The following MKLN1 variants were observed in gnomAD, a reference collection of about 807,000 sequenced individuals.
MKLN1 encodes the protein muskelin 1, also known as muskelin.
In MKLN1, 18 loss-of-function variants were observed where a neutral mutation model predicts 99.0. The ratio of observed to expected loss-of-function variants is 0.18; its 90% confidence interval spans 0.13 to 0.27. The LOEUF (loss-of-function observed/expected upper bound fraction) is 0.27. Ranked by LOEUF, MKLN1 falls within the 10% of genes least tolerant of loss-of-function variation. MKLN1 has a pLI of 1.00. For synonymous variants in MKLN1, 288 were observed against 293.2 expected, an observed-to-expected ratio of 0.98 and a Z score of 0.18; for missense variants, 621 against 875.9, an observed-to-expected ratio of 0.71 and a Z score of 3.67.
chr7:131,154,771 C>T (rs7778040), intron 2 of MKLN1, among the ~76,000 whole-genome samples: 13,779 of 152,104 alleles, frequency 0.091, 794 homozygotes, highest in South Asian at 0.18. Flanking sequence ...CAATTCTTTA[C>T]ACTTATATAT....
At chr7:131,386,752 A>G (rs1227735042) in intron 2 of MKLN1, among the ~76,000 whole-genome samples, 2 of 152,236 alleles carry the variant, frequency 1.3e-5, no homozygotes. Context: ...AGTAGAGTCC[A>G]TAGAAATATG....
intron 8 of MKLN1, among the ~76,000 whole-genome samples, chr7:131,428,011 C>G (rs1286614208): frequency 6.6e-6 from 1 of 151,826 alleles, no homozygotes; most frequent in African/African-American, 2.4e-5. Context: ...CCCCCACCCC[C>G]CCAAAAAAAG....
chr7:131,231,118 T>TTAAA (rs1797236697), intron 3 of MKLN1, among the ~76,000 whole-genome samples: 1 of 7,860 alleles, frequency 1.3e-4, no homozygotes, highest in Non-Finnish European at 3.3e-4. Context: ...AGACTCTGTC[T>TTAAA]CAAAAAAAAA....
intron 1 of MKLN1, among the ~76,000 whole-genome samples, chr7:131,127,165 C>CA (rs59463348): frequency 3.0e-5 from 3 of 98,752 alleles, no homozygotes; most frequent in African/African-American, 1.0e-4. Context: ...AACTCCATCT[C>CA]AAAAAAAAAA....
intron 2 of MKLN1, among the ~76,000 whole-genome samples, chr7:131,144,077 A>G (rs747319313): frequency 1.3e-5 from 2 of 152,194 alleles, no homozygotes; most frequent in Non-Finnish European, 2.9e-5. Flanking sequence ...GAATGTAAGC[A>G]TTATGAGGGC....
rs118016306 is a variant in MKLN1, at chr7:131,184,846, G to A, written c.-296-18011G>A. Among the ~76,000 whole-genome samples the A allele has an allele frequency of 4.2e-4, 64 of 152,236 alleles. 1 individual carries two copies. In the East Asian group the frequency reaches 0.012, roughly 29 times the overall value. On this transcript the variant is annotated intron_variant, in intron 2 of 7. Coordinates refer to the MKLN1 transcript ENST00000416992. ...CGGCCAGCAATACTTTTTTAAAGAT[G>A]CACACACCCAGCCAGGTTCACCAGT...
intron 1 of MKLN1, among the ~76,000 whole-genome samples, chr7:131,334,400 A>G (rs1432403776): frequency 6.6e-6 from 1 of 152,234 alleles, no homozygotes; most frequent in African/African-American, 2.4e-5. Context: ...TGGGACTCTT[A>G]GAACTTCAGA....
rs1221679438 is a variant in MKLN1, at chr7:131,493,356, A to C, written c.*5628A>C. 1 of 152,178 alleles carries C rather than the reference A, an allele frequency of 6.6e-6. No individual in the cohort carries two copies. The highest frequency in any genetic ancestry group is 1.9e-4 in the East Asian group (1 of 5,198). The allele number at this position is 152,178 out of a possible 1,614,324, so 9.4% of individuals were successfully genotyped here. A position where few individuals can be genotyped will look rare whatever the true frequency, so the allele number is the denominator to read the frequency against. On this transcript the variant is annotated 3_prime_UTR_variant, in exon 18 of 18. Coordinates refer to ENST00000352689, the MANE Select transcript of MKLN1 (RefSeq NM_013255.5). ...GACAATGAGGGTATGTTAGAGAAGGAAAAATAGGAGCTTTTTGCTTATGGA... is the reference window on the plus strand; with the variant it reads ...GACAATGAGGGTATGTTAGAGAAGGCAAAATAGGAGCTTTTTGCTTATGGA...
Position 131,399,221 on chromosome 7 carries a change from C to T in MKLN1, c.511-20C>T. 6.2e-7 allele frequency: 1 copy of T among 1,606,636 alleles called. No individual in the cohort carries two copies. The highest frequency in any genetic ancestry group is 8.5e-7 in the Non-Finnish European group (1 of 1,173,856). ...TCTAACCAAATCTCTTCTTTCCATA[C>T]TTACTCTGTGTTCTAGTAGTACCGT... On this transcript the variant is annotated intron_variant, in intron 5 of 17. Transcript: ENST00000352689.
intron 3 of MKLN1, among the ~76,000 whole-genome samples, chr7:131,270,500 C>A (rs568401293): frequency 1.3e-5 from 2 of 152,336 alleles, no homozygotes; most frequent in South Asian, 4.1e-4. Flanking sequence ...GGATTATAGG[C>A]CTGAGCCACC....
intron 6 of MKLN1, among the ~76,000 whole-genome samples, chr7:131,408,529 TG>T (rs1200263747): frequency 1.3e-5 from 2 of 152,200 alleles, no homozygotes; most frequent in Non-Finnish European, 2.9e-5. Flanking sequence ...TGGATTTTTT[TG>T]GTTTTGTTTT....
At chr7:131,342,139 T>G (rs1204532781) in intron 1 of MKLN1, among the ~76,000 whole-genome samples, 1 of 151,708 alleles carries the variant, frequency 6.6e-6, no homozygotes, top group Non-Finnish European at 1.5e-5. Context: ...TTGGAGAAAC[T>G]GCCAGATTTT....
At chr7:131,294,929 G>T (rs993176705) in intron 3 of MKLN1, among the ~76,000 whole-genome samples, 2 of 152,108 alleles carry the variant, frequency 1.3e-5, no homozygotes, top group Non-Finnish European at 2.9e-5. Context: ...AAACCATCTC[G>T]TGAGGCTAGC....
At chr7:131,290,764 A>G (rs1340802659) in intron 3 of MKLN1, among the ~76,000 whole-genome samples, 1 of 152,226 alleles carries the variant, frequency 6.6e-6, no homozygotes, top group African/African-American at 2.4e-5. Flanking sequence ...CTTTAGCTGA[A>G]ACTTAGGTCA....
chr7:131,160,510 T>TA (rs1372310154), intron 2 of MKLN1, among the ~76,000 whole-genome samples: 1 of 140,784 alleles, frequency 7.1e-6, no homozygotes, highest in African/African-American at 2.9e-5. Context: ...TTATTATTAT[T>TA]ATTATTATTA....
At chr7:131,486,057 C>T (rs890026601) in intron 17 of MKLN1, among the ~76,000 whole-genome samples, 4 of 151,364 alleles carry the variant, frequency 2.6e-5, no homozygotes, top group African/African-American at 9.7e-5. Context: ...AATAGTTCTG[C>T]AAAAAGATTT....
At chr7:131,332,926 G>T (rs1174860737) in intron 1 of MKLN1, among the ~76,000 whole-genome samples, 1 of 151,778 alleles carries the variant, frequency 6.6e-6, no homozygotes, top group African/African-American at 2.4e-5. Context: ...ATCACGCCTG[G>T]CTAATTTTTT....
At chr7:131,409,353 G>A (rs1794803301) in intron 6 of MKLN1, among the ~76,000 whole-genome samples, 1 of 152,230 alleles carries the variant, frequency 6.6e-6, no homozygotes, top group East Asian at 1.9e-4. Flanking sequence ...TTTTTAGGTT[G>A]CGAAAGTTGC....
At chr7:131,286,858 C>T (rs1028664701) in intron 3 of MKLN1, among the ~76,000 whole-genome samples, 1 of 152,236 alleles carries the variant, frequency 6.6e-6, no homozygotes, top group African/African-American at 2.4e-5. Context: ...GTAATCCCAG[C>T]ACTTTGGAAG....
Sources: gnomAD v4.1 joint callset for allele counts (sites outside exome capture counted in the v4.1 genomes callset) on GRCh38, gnomAD v4.1.1 for gene constraint, MANE v1.5 for transcripts, NCBI Gene and HGNC (gene_info 2026-07-23, HGNC 2026-07-21) for gene names.